Variants in CHRM3 observed in about 807,000 individuals in gnomAD.
CHRM3 encodes the protein muscarinic acetylcholine receptor M3.
Under a neutral mutation model 41.8 loss-of-function variants are expected in CHRM3, and 11 were observed. That is an observed-to-expected ratio of 0.26 (90% CI 0.17 to 0.44). The LOEUF (loss-of-function observed/expected upper bound fraction) is 0.44, where lower values mean the gene tolerates loss of function less well. Among genes scored for constraint, CHRM3 ranks in the 20% least tolerant of loss-of-function variants. The pLI, the probability that CHRM3 is intolerant of heterozygous loss-of-function variation, is 1.00. For synonymous variants in CHRM3, 297 were observed against 301.4 expected (o/e 0.99, Z 0.15); for missense variants, 571 against 745.4 (o/e 0.77, Z 2.72).
At chr1:239,465,803 T>C (rs948409066) in intron 1 of CHRM3, among the ~76,000 whole-genome samples, 2 of 152,108 alleles carry the variant, frequency 1.3e-5, no homozygotes, top group Admixed American at 1.3e-4. Context: ...GAATTTTTTT[T>C]CAGTAAACGT....
At chr1:239,391,263 CCA>C in intron 1 of CHRM3, among the ~76,000 whole-genome samples, 1 of 152,256 alleles carries the variant, frequency 6.6e-6, no homozygotes, top group Middle Eastern at 3.4e-3. Context: ...CACTTGAAGA[CCA>C]TAGTAGTTGC....
intron 5 of CHRM3, among the ~76,000 whole-genome samples, chr1:239,803,578 G>A (rs1275452199): frequency 3.3e-5 from 5 of 152,156 alleles, no homozygotes; most frequent in African/African-American, 1.2e-4. Context: ...GTGGAGCCTT[G>A]AATTTCATGA....
At chr1:239,795,148 C>A (rs1183554706) in intron 5 of CHRM3, among the ~76,000 whole-genome samples, 1 of 152,052 alleles carries the variant, frequency 6.6e-6, no homozygotes, top group Non-Finnish European at 1.5e-5. Context: ...AAGAAAATAG[C>A]TTCTCTGGTG....
At chr1:239,644,253 T>A (rs1424258082) in intron 4 of CHRM3, among the ~76,000 whole-genome samples, 1 of 152,216 alleles carries the variant, frequency 6.6e-6, no homozygotes, top group Non-Finnish European at 1.5e-5. Flanking sequence ...CAACCCTTGA[T>A]GCTTTGTAAG....
chr1:239,473,624 ACAACT>A (rs1666278893), intron 1 of CHRM3, among the ~76,000 whole-genome samples: 1 of 152,178 alleles, frequency 6.6e-6, no homozygotes, highest in South Asian at 2.1e-4. Flanking sequence ...AAAGCCAGAA[ACAACT>A]CAAATGACAC....
intron 3 of CHRM3, among the ~76,000 whole-genome samples, chr1:239,622,678 G>C (rs1287106616): frequency 6.6e-6 from 1 of 152,166 alleles, no homozygotes; most frequent in East Asian, 1.9e-4. Context: ...GCTTGTTATG[G>C]ATTAGCAAAG....
intron 6 of CHRM3, among the ~76,000 whole-genome samples, chr1:239,891,512 G>A (rs1558214890): frequency 6.6e-6 from 1 of 152,174 alleles, no homozygotes; most frequent in Non-Finnish European, 1.5e-5. Context: ...CCCGTCAGAA[G>A]CAGAAACAGA....
chr1:239,827,934 C>G (rs966310324), intron 6 of CHRM3, among the ~76,000 whole-genome samples: 1 of 152,126 alleles, frequency 6.6e-6, no homozygotes, highest in Non-Finnish European at 1.5e-5. Flanking sequence ...GCATGTAATT[C>G]TTTACATTCT....
chr1:239,516,012 A>T (rs779569609), intron 2 of CHRM3, among the ~76,000 whole-genome samples: 64 of 152,216 alleles, frequency 4.2e-4, no homozygotes, highest in Non-Finnish European at 4.6e-4. Flanking sequence ...AGCTTAGATA[A>T]CTAATGACTG....
At chr1:239,773,733 T>C (rs1667870738) in intron 5 of CHRM3, among the ~76,000 whole-genome samples, 1 of 152,202 alleles carries the variant, frequency 6.6e-6, no homozygotes, top group Admixed American at 6.5e-5. Context: ...AAGATGAAGA[T>C]GGCTAGTTGT....
Position 239,910,341 on chromosome 1 carries a change from G to A in CHRM3, c.*1117G>A, listed in dbSNP as rs1212110583. Reference sequence around the variant, plus strand: ...TGTGTATATATATATATATGGCAAAGCAAAAAAAAAAACATGGTAAGAGAG... The same window carrying A: ...TGTGTATATATATATATATGGCAAAACAAAAAAAAAAACATGGTAAGAGAG... On this transcript the variant is annotated 3_prime_UTR_variant, in exon 7 of 7. Coordinates refer to ENST00000676153, the MANE Select transcript of CHRM3 (RefSeq NM_001375978.1). 44 of 157,290 alleles carry A rather than the reference G, an allele frequency of 2.8e-4. No individual in the cohort carries two copies. The highest frequency in any genetic ancestry group is 9.7e-4 in the African/African-American group (38 of 39,196). The allele number at this position is 157,290 out of a possible 1,614,324, so 9.7% of individuals were successfully genotyped here.
At chr1:239,407,982 G>T (rs1355823376) in intron 1 of CHRM3, among the ~76,000 whole-genome samples, 1 of 152,132 alleles carries the variant, frequency 6.6e-6, no homozygotes, top group Non-Finnish European at 1.5e-5. Flanking sequence ...TGTAAAATGT[G>T]ATAGGCAATT....
At chr1:239,692,363 A>T (rs1218251926) in intron 5 of CHRM3, among the ~76,000 whole-genome samples, 2 of 152,192 alleles carry the variant, frequency 1.3e-5, no homozygotes, top group African/African-American at 4.8e-5. Context: ...AACAATAATT[A>T]AAAATCTGTG....
At chr1:239,565,662 T>A (rs555787635) in intron 3 of CHRM3, among the ~76,000 whole-genome samples, 1 of 152,184 alleles carries the variant, frequency 6.6e-6, no homozygotes, top group Non-Finnish European at 1.5e-5. Context: ...TTTAGAATAG[T>A]TGCATTTAGT....
chr1:239,418,931 A>G (rs1661716299), intron 1 of CHRM3, among the ~76,000 whole-genome samples: 1 of 152,180 alleles, frequency 6.6e-6, no homozygotes, highest in Non-Finnish European at 1.5e-5. Flanking sequence ...CTTTGAGGAA[A>G]GACAAAATCT....
intron 5 of CHRM3, among the ~76,000 whole-genome samples, chr1:239,736,279 G>A (rs1664387106): frequency 6.6e-6 from 1 of 151,940 alleles, no homozygotes; most frequent in Non-Finnish European, 1.5e-5. Flanking sequence ...ATAGAACCAG[G>A]ATTTGAATTG....
chr1:239,806,417 T>TACACACACACAC lies in CHRM3; in HGVS notation c.-146-20820_-146-20809dup, dbSNP rs5782102. On this transcript the variant is annotated intron_variant, in intron 5 of 6. Transcript: ENST00000676153. Reference sequence around the variant, plus strand: ...CACCTGTGGACATCCAGGATGGAGTTACACACACACACACACACACACACA... The same window carrying TACACACACACAC: ...CACCTGTGGACATCCAGGATGGAGTTACACACACACACACACACACACACACACACACACACA... 6.1e-3 allele frequency among the ~76,000 whole-genome samples: 894 copies of TACACACACACAC among 146,118 alleles called. 14 individuals carry two copies. Among genetic ancestry groups the TACACACACACAC allele is most frequent in the African/African-American group, 0.019 (734 of 38,604 alleles).
intron 4 of CHRM3, among the ~76,000 whole-genome samples, chr1:239,674,353 G>A (rs948402372): frequency 6.6e-6 from 1 of 151,900 alleles, no homozygotes; most frequent in Non-Finnish European, 1.5e-5. Context: ...TTCATTTTTT[G>A]TTCATTATAC....
chr1:239,813,281 AAAAT>A (rs1388242615), intron 5 of CHRM3, among the ~76,000 whole-genome samples: 10 of 152,220 alleles, frequency 6.6e-5, no homozygotes, highest in African/African-American at 2.2e-4. Context: ...CCGTCTCAAA[AAAAT>A]AAATAAATAA....
Sources: gnomAD v4.1 joint callset for allele counts (sites outside exome capture counted in the v4.1 genomes callset) on GRCh38, gnomAD v4.1.1 for gene constraint, MANE v1.5 for transcripts, NCBI Gene and HGNC (gene_info 2026-07-23, HGNC 2026-07-21) for gene names.